Variants in EFNB1 observed in about 807,000 individuals in gnomAD.
EFNB1 encodes the protein ephrin-B1.
In EFNB1, 1 loss-of-function variant was observed where a neutral mutation model predicts 18.1. The observed-to-expected ratio is 0.06, with a 90% CI of 0.02 to 0.26. EFNB1 has a LOEUF of 0.26. EFNB1 is among the 10% of genes least tolerant of loss of function. EFNB1 has a pLI of 1.00. For synonymous variants in EFNB1, 131 were observed against 127.5 expected, an observed-to-expected ratio of 1.03 and a Z score of -0.19; for missense variants, 221 against 301.8, an observed-to-expected ratio of 0.73 and a Z score of 1.98.
In EFNB1 at chrX:68,841,364, C is replaced by CAG. The variant is rs1411906121; in HGVS notation, c.*711_*712insGA. On this transcript the variant is annotated 3_prime_UTR_variant, in exon 5 of 5. Coordinates refer to ENST00000204961, the MANE Select transcript of EFNB1 (RefSeq NM_004429.5). ...GTAGTCACTGCCACCCTTCCACACACACACACACACACACACACACAAAAA... is the reference window on the plus strand; with the variant it reads ...GTAGTCACTGCCACCCTTCCACACACAGACACACACACACACACACACAAAAA... The CAG allele has an allele frequency of 9.1e-6, 1 of 110,324 alleles. No homozygotes were observed. Among genetic ancestry groups the CAG allele is most frequent in the Non-Finnish European group, 1.9e-5 (1 of 52,484 alleles). The allele number at this position is 110,324 out of a possible 1,213,427, so 9.1% of individuals were successfully genotyped here.
intron 1 of EFNB1, 96 bp from the exon 2 acceptor site, chrX:68,838,521 G>A (rs1256042176): frequency 2.8e-6 from 3 of 1,074,822 alleles, no homozygotes; most frequent in Non-Finnish European, 3.8e-6. Flanking sequence ...TCTCCACCCA[G>A]TAGGCCCAGC....
chrX:68,839,181 A>T (rs759030740), intron 2 of EFNB1, among the ~76,000 whole-genome samples: 1 of 112,299 alleles, frequency 8.9e-6, no homozygotes, highest in Non-Finnish European at 1.9e-5. Context: ...AATATTGGGA[A>T]TGGTAACATA....
At chrX:68,830,974 C>T (rs1394299663) in intron 1 of EFNB1, among the ~76,000 whole-genome samples, 3 of 111,518 alleles carry the variant, frequency 2.7e-5, no homozygotes, top group African/African-American at 9.8e-5. Flanking sequence ...GTTGTAGTGA[C>T]CTCTGGACCT....
At chrX:68,839,794 G>A in intron 3 of EFNB1, 38 bp downstream of exon 3, 1 of 1,191,258 alleles carries the variant, frequency 8.4e-7, no homozygotes, top group Non-Finnish European at 1.1e-6. Context: ...ACCCCACCCT[G>A]TTTGACCTTT....
At position 68,840,627 on chromosome X, in the gene EFNB1, C is replaced by T. The variant is rs767875215; in HGVS notation, c.1014C>T (p.Ser338=). 7 of 1,209,631 alleles carry T rather than the reference C, an allele frequency of 5.8e-6. No homozygotes were observed. Among genetic ancestry groups the T allele is most frequent in the Non-Finnish European group, 7.8e-6 (7 of 894,596 alleles). Residue 338 remains serine (S), a synonymous_variant, in exon 5 of 5, where the codon AGC becomes AGT. Coordinates refer to ENST00000204961, the MANE Select transcript of EFNB1 (RefSeq NM_004429.5). ...VYIVQEMPPQ[S]PANIYYKV Reference sequence around the variant, plus strand: ...TCGTCCAAGAGATGCCGCCCCAGAGCCCGGCGAACATCTACTACAAGGTCT... The same window carrying T: ...TCGTCCAAGAGATGCCGCCCCAGAGTCCGGCGAACATCTACTACAAGGTCT...
intron 1 of EFNB1, among the ~76,000 whole-genome samples, chrX:68,837,871 G>C (rs1188545223): frequency 8.9e-6 from 1 of 112,297 alleles, no homozygotes. Flanking sequence ...AGGAATTCAG[G>C]CTCTTGCATT....
chrX:68,838,538 C>G, intron 1 of EFNB1, 79 bp from the exon 2 acceptor site: 1 of 1,161,603 alleles, frequency 8.6e-7, no homozygotes, highest in Non-Finnish European at 1.2e-6. Flanking sequence ...CAGCCCGGCT[C>G]TTGTCCGCTT....
At position 68,840,978 on chromosome X, in the gene EFNB1, C is replaced by G. The variant is rs1227275698; in HGVS notation, c.*324C>G. The G allele has an allele frequency of 2.9e-6, 1 of 347,939 alleles. No individual in the cohort carries two copies. Among genetic ancestry groups the G allele is most frequent in the Non-Finnish European group, 5.1e-6 (1 of 197,770 alleles). The allele number at this position is 347,939 out of a possible 1,213,427, so 28.7% of individuals were successfully genotyped here. On this transcript the variant is annotated 3_prime_UTR_variant, in exon 5 of 5. Transcript: ENST00000204961. ...CCTGGCCCTGCCCCTCCCTCGCCCC[C>G]CTTGCCACCTTCCCAGGACTGCTTG...
intron 1 of EFNB1, among the ~76,000 whole-genome samples, chrX:68,835,097 A>C (rs896438666): frequency 1.8e-5 from 2 of 111,565 alleles, no homozygotes; most frequent in Admixed American, 9.4e-5. Flanking sequence ...TAAGCTAGGT[A>C]GAAAGGCTGA....
At chrX:68,835,784 A>G (rs956528029) in intron 1 of EFNB1, among the ~76,000 whole-genome samples, 2 of 111,667 alleles carry the variant, frequency 1.8e-5, no homozygotes, top group African/African-American at 3.3e-5. Flanking sequence ...TTTGGGGGCA[A>G]TAGTTCTCTC....
intron 1 of EFNB1, among the ~76,000 whole-genome samples, chrX:68,831,748 A>G (rs1473650143): frequency 9.0e-6 from 1 of 110,524 alleles, no homozygotes; most frequent in Non-Finnish European, 1.9e-5. Context: ...TGGAAGAAAC[A>G]CGATCTGTCT....
chrX:68,830,389 C>T (rs1326220331), intron 1 of EFNB1, among the ~76,000 whole-genome samples: 3 of 112,970 alleles, frequency 2.7e-5, no homozygotes, highest in Non-Finnish European at 5.6e-5. Context: ...GGGTGGGTGG[C>T]AGCGCCAACA....
intron 1 of EFNB1, among the ~76,000 whole-genome samples, chrX:68,831,123 T>C (rs1300018240): frequency 2.7e-5 from 3 of 111,197 alleles, no homozygotes; most frequent in African/African-American, 9.8e-5. Context: ...CCATCCGTGA[T>C]CACTGATTCC....
In EFNB1 at chrX:68,840,062, C is replaced by A. The variant is rs2147976918; in HGVS notation, c.602C>A (p.Ser201Tyr). The change falls in exon 4 of 5, where the codon TCC (serine) becomes TAC (tyrosine). Residue 201 changes from serine (S) to tyrosine (Y), a missense_variant. Transcript: ENST00000204961. Reference sequence around the variant, plus strand: ...ACACAGGCCCCTGGTAGTCGGGGCTCCCTGGGTGACTCTGATGGCAAGCAT... The same window carrying A: ...ACACAGGCCCCTGGTAGTCGGGGCTACCTGGGTGACTCTGATGGCAAGCAT... ...MATQAPGSRG[S>Y]LGDSDGKHET... 8.3e-7 allele frequency: 1 copy of A among 1,211,922 alleles called. No individual in the cohort carries two copies. The highest frequency in any genetic ancestry group is 1.1e-6 in the Non-Finnish European group (1 of 895,494).
At chrX:68,829,989 G>C in intron 1 of EFNB1, 85 bp downstream of exon 1, 1 of 1,107,496 alleles carries the variant, frequency 9.0e-7, no homozygotes, top group Non-Finnish European at 1.2e-6. Flanking sequence ...ATGTGGGGAG[G>C]TCTTCGGAGG....
At chrX:68,840,184 TCTG>T in intron 4 of EFNB1, 55 bp from the exon 5 acceptor site, 2 of 1,210,264 alleles carry the variant, frequency 1.7e-6, no homozygotes, top group Admixed American at 2.2e-5. Flanking sequence ...TGGCCTGAAA[TCTG>T]CTGTGTGTCC....
intron 1 of EFNB1, among the ~76,000 whole-genome samples, chrX:68,836,112 G>A (rs747380632): frequency 8.9e-6 from 1 of 111,845 alleles, no homozygotes; most frequent in Non-Finnish European, 1.9e-5. Flanking sequence ...TCCTGGGTAG[G>A]TTTAGACCCC....
At position 68,841,357 on chromosome X, in the gene EFNB1, C is replaced by CCA. The variant is rs772633678; in HGVS notation, c.*730_*731dup. On this transcript the variant is annotated 3_prime_UTR_variant, in exon 5 of 5. Transcript: ENST00000204961. ...CAATGGGGTAGTCACTGCCACCCTT[C>CCA]CACACACACACACACACACACACAC... The CCA allele has an allele frequency of 0.011, 323 of 28,420 alleles. No individual in the cohort carries two copies. The highest frequency in any genetic ancestry group is 0.025 in the African/African-American group (154 of 6,054). 2.3% of individuals were successfully genotyped at this position (28,420 alleles called of 1,213,427 possible). A position where few individuals can be genotyped will look rare whatever the true frequency, so the allele number is the denominator to read the frequency against.
intron 1 of EFNB1, among the ~76,000 whole-genome samples, chrX:68,835,558 A>T (rs1360120946): frequency 9.1e-6 from 1 of 110,464 alleles, no homozygotes; most frequent in Non-Finnish European, 1.9e-5. Context: ...CACTCTCTTG[A>T]GCTTCTGACA....
Sources: allele counts gnomAD v4.1 joint callset (sites outside exome capture counted in the v4.1 genomes callset), GRCh38; gene constraint gnomAD v4.1.1; transcripts MANE v1.5; gene names NCBI Gene and HGNC (gene_info 2026-07-23, HGNC 2026-07-21).